The following TTC28 variants were observed in gnomAD, a reference collection of about 807,000 sequenced individuals.
TTC28 encodes the protein tetratricopeptide repeat protein 28.
A neutral mutation model predicts 198.0 loss-of-function variants in TTC28; 61 were observed. The observed-to-expected ratio is 0.31, with a 90% CI of 0.25 to 0.38. TTC28 has a LOEUF of 0.38. Ranked by LOEUF, TTC28 falls within the 10% of genes least tolerant of loss-of-function variation. The probability of loss-of-function intolerance (pLI) is 1.00; values close to 1 mark genes in which losing one functional copy is unlikely to be tolerated. For missense variants in TTC28, 2,678 were observed against 3,164.0 expected (o/e 0.85, Z 3.69); for synonymous variants, 1,171 against 1,297.8 (o/e 0.90, Z 2.10).
intron 7 of TTC28, 146 bp from the exon 8 acceptor site, chr22:28,105,948 C>T: frequency 9.4e-7 from 1 of 1,060,272 alleles, no homozygotes; most frequent in Non-Finnish European, 1.3e-6. Flanking sequence ...TATCATGTGC[C>T]CTTAGAGTGA....
At chr22:28,377,199 G>GT (rs1358403564) in intron 2 of TTC28, among the ~76,000 whole-genome samples, 1 of 99,282 alleles carries the variant, frequency 1.0e-5, no homozygotes, top group African/African-American at 3.9e-5. Context: ...ATATTGTAAA[G>GT]TAAAAAAAAA....
intron 5 of TTC28, among the ~76,000 whole-genome samples, chr22:28,200,120 C>T (rs1242833432): frequency 6.6e-6 from 1 of 151,904 alleles, no homozygotes; most frequent in Non-Finnish European, 1.5e-5. Flanking sequence ...CTATATTGCC[C>T]AGGCTGGAAT....
rs547282449 is a variant in TTC28 at position 28,477,492 on chromosome 22, T to A, written c.381+152060A>T. 1.0e-3 allele frequency among the ~76,000 whole-genome samples: 155 copies of A among 151,952 alleles called. 1 individual carries two copies. Among genetic ancestry groups the A allele is most frequent in the Non-Finnish European group, 1.8e-3 (119 of 67,974 alleles). On this transcript the variant is annotated intron_variant, in intron 2 of 22. Coordinates refer to ENST00000397906, the MANE Select transcript of TTC28 (RefSeq NM_001145418.2). ...TTGTTAGAAATGTCAAATTCTCTTT[T>A]AAAAAAAATAAAATACAAGGAAAAA...
intron 2 of TTC28, among the ~76,000 whole-genome samples, chr22:28,478,327 GCGAAACCCCA>G (rs1033110018): frequency 8.6e-5 from 13 of 152,042 alleles, no homozygotes; most frequent in Admixed American, 1.3e-4. Context: ...GGCCAACACG[GCGAAACCCCA>G]CCTCTACTAA....
Position 28,539,931 on chromosome 22 carries a change from A to G in TTC28, c.381+89621T>C, listed in dbSNP as rs750897754. Among the ~76,000 whole-genome samples the G allele has an allele frequency of 4.8e-3, 682 of 142,888 alleles. 3 individuals carry two copies. The highest frequency in any genetic ancestry group is 6.6e-3 in the Non-Finnish European group (435 of 66,072). 93.7% of individuals were successfully genotyped at this position (142,888 alleles called of 152,430 possible). ...CAGCATCTACTTCTGGGGAGGCCTC[A>G]GGAAGCTTTTTTTTTTTTTTTTTTT... On this transcript the variant is annotated intron_variant, in intron 2 of 22. Transcript: ENST00000397906.
At chr22:28,600,488 T>C (rs1184787380) in intron 2 of TTC28, among the ~76,000 whole-genome samples, 2 of 152,170 alleles carry the variant, frequency 1.3e-5, no homozygotes, top group South Asian at 2.1e-4. Flanking sequence ...ATATAGAGCA[T>C]GCAAAAGTAA....
rs142026844 is a variant in TTC28 at position 28,133,482 on chromosome 22, G to A, written c.1442-25079C>T. On this transcript the variant is annotated intron_variant, in intron 6 of 22. Transcript: ENST00000397906. Reference sequence around the variant, plus strand: ...CTAGCCAAGGGAAGCTGAGACAGACGGCACCTGGAAAATCGGGCCACTCCC... The same window carrying A: ...CTAGCCAAGGGAAGCTGAGACAGACAGCACCTGGAAAATCGGGCCACTCCC... Among the ~76,000 whole-genome samples the A allele has an allele frequency of 2.2e-4, 34 of 152,262 alleles. No homozygotes were observed. The East Asian group carries it at 4.5e-3, about 20-fold the overall frequency.
chr22:28,524,112 AT>A (rs2048962424), intron 2 of TTC28, among the ~76,000 whole-genome samples: 1 of 152,208 alleles, frequency 6.6e-6, no homozygotes. Flanking sequence ...ATTAAAAACT[AT>A]TTTTAATAGT....
chr22:28,315,556 T>C (rs1601618105), intron 2 of TTC28, among the ~76,000 whole-genome samples: 1 of 152,186 alleles, frequency 6.6e-6, no homozygotes, highest in Non-Finnish European at 1.5e-5. Context: ...TTAATTCTTA[T>C]ATAAGGTGCA....
intron 12 of TTC28, among the ~76,000 whole-genome samples, chr22:28,066,304 G>GGTGTGT: frequency 6.8e-6 from 1 of 147,192 alleles, no homozygotes; most frequent in African/African-American, 2.5e-5. Flanking sequence ...GTGTGTGTGT[G>GGTGTGT]GTGTGTGTGT....
At chr22:28,097,392 C>T (rs1601615777) in intron 10 of TTC28, among the ~76,000 whole-genome samples, 2 of 152,182 alleles carry the variant, frequency 1.3e-5, no homozygotes, top group African/African-American at 2.4e-5. Flanking sequence ...CCATTCTGGG[C>T]TCCAACACAC....
intron 6 of TTC28, among the ~76,000 whole-genome samples, chr22:28,150,929 T>C (rs1266386442): frequency 6.6e-6 from 1 of 152,126 alleles, no homozygotes; most frequent in Admixed American, 6.5e-5. Context: ...GAAAACAAAA[T>C]TGTGTTCAGA....
intron 6 of TTC28, among the ~76,000 whole-genome samples, chr22:28,145,767 T>C (rs1356747677): frequency 3.9e-5 from 6 of 152,214 alleles, no homozygotes; most frequent in African/African-American, 1.4e-4. Context: ...GAACAAATGA[T>C]ACACTCTTTC....
At chr22:28,585,061 C>G (rs957505803) in intron 2 of TTC28, among the ~76,000 whole-genome samples, 1 of 152,018 alleles carries the variant, frequency 6.6e-6, no homozygotes, top group Non-Finnish European at 1.5e-5. Context: ...AAATAAGGAC[C>G]AGGCCCTTAA....
At chr22:28,321,988 T>G (rs1250025683) in intron 2 of TTC28, among the ~76,000 whole-genome samples, 1 of 152,068 alleles carries the variant, frequency 6.6e-6, no homozygotes, top group African/African-American at 2.4e-5. Context: ...CCCACCACCA[T>G]GCCCGGCTAA....
intron 21 of TTC28, among the ~76,000 whole-genome samples, chr22:27,986,964 T>C (rs1160167683): frequency 6.6e-6 from 1 of 152,192 alleles, no homozygotes; most frequent in Non-Finnish European, 1.5e-5. Context: ...ATGATTTAAA[T>C]GGGGTTGCTC....
In TTC28 at chr22:28,039,584, G is replaced by A. The variant is rs867478227; in HGVS notation, c.3933-9218C>T. ...TACCTAATATAAATGACGAGTTAAT[G>A]GGTGCAGCACACCAACATGGCACAT... On this transcript the variant is annotated intron_variant, in intron 12 of 22. Coordinates refer to ENST00000397906, the MANE Select transcript of TTC28 (RefSeq NM_001145418.2). Among the ~76,000 whole-genome samples, 20 of 152,204 alleles carry A rather than the reference G, an allele frequency of 1.3e-4. 1 individual carries two copies. The highest frequency in any genetic ancestry group is 4.8e-4 in the African/African-American group (20 of 41,522).
intron 2 of TTC28, among the ~76,000 whole-genome samples, chr22:28,420,770 T>G (rs1251185080): frequency 1.3e-5 from 2 of 152,002 alleles, no homozygotes; most frequent in African/African-American, 4.8e-5. Context: ...CAGCTAATTT[T>G]TGTATTTTTT....
At chr22:28,293,324 T>A (rs963899358) in intron 5 of TTC28, among the ~76,000 whole-genome samples, 2 of 152,102 alleles carry the variant, frequency 1.3e-5, no homozygotes, top group Non-Finnish European at 2.9e-5. Context: ...TGCAACAACA[T>A]GGATGAACTT....
Sources: allele counts gnomAD v4.1 joint callset (sites outside exome capture counted in the v4.1 genomes callset), GRCh38; gene constraint gnomAD v4.1.1; transcripts MANE v1.5; gene names NCBI Gene and HGNC (gene_info 2026-07-23, HGNC 2026-07-21).